WDR91: variants seen among roughly 807,000 people sequenced by gnomAD.
WDR91 encodes the protein WD repeat-containing protein 91.
Under a neutral mutation model 88.4 loss-of-function variants are expected in WDR91, and 52 were observed. The observed-to-expected ratio is 0.59, with a 90% confidence interval of 0.47 to 0.74. The LOEUF is 0.74. Among genes scored for constraint, WDR91 ranks in the 30% least tolerant of loss-of-function variants. The pLI is 0.00. For missense variants in WDR91, 824 were observed against 954.5 expected, an observed-to-expected ratio of 0.86 and a Z score of 1.80; for synonymous variants, 362 against 389.5, an observed-to-expected ratio of 0.93 and a Z score of 0.83.
intron 1 of WDR91, among the ~76,000 whole-genome samples, chr7:135,210,193 T>C (rs1369777352): frequency 6.6e-6 from 1 of 151,968 alleles, no homozygotes; most frequent in Non-Finnish European, 1.5e-5. Flanking sequence ...CTACTAAAAA[T>C]ACAAAAATTA....
chr7:135,206,030 C>A lies in WDR91; in HGVS notation c.623G>T (p.Arg208Leu). The change falls in exon 5 of 15, where the codon CGA becomes CTA. Residue 208 changes from arginine (R) to leucine (L), a missense_variant. Physicochemically the swap from Arg to Leu is moderately radical, Grantham distance 102. Transcript: ENST00000354475. Reference sequence around the variant, plus strand: ...TGGCTGTTGCTCCTCTTTCTTCAGTCGGTGGATTTCAGCTTGCAATGCAAA... The same window carrying A: ...TGGCTGTTGCTCCTCTTTCTTCAGTAGGTGGATTTCAGCTTGCAATGCAAA... ...KLFALQAEIH[R>L]LKKEEQQPEE... 1 of 1,614,170 alleles carries A rather than the reference C, an allele frequency of 6.2e-7. No homozygotes were observed.
In WDR91 at chr7:135,193,403, C is replaced by A. The variant is rs370693913; in HGVS notation, c.1491-4G>T. 6.2e-7 allele frequency: 1 copy of A among 1,613,978 alleles called. No homozygotes were observed. The highest frequency in any genetic ancestry group is 1.7e-5 in the Admixed American group (1 of 60,026). ...GCTGCACGCAAGAGACAGGATTCTG[C>A]AACACACATGGGCCTGGGTCAGACC... On this transcript the variant is annotated splice_region_variant and splice_polypyrimidine_tract_variant and intron_variant, in intron 10 of 14. Transcript: ENST00000354475.
At chr7:135,190,692 AGCTTCT>A (rs1831132119) in intron 11 of WDR91, among the ~76,000 whole-genome samples, 1 of 152,238 alleles carries the variant, frequency 6.6e-6, no homozygotes, top group Non-Finnish European at 1.5e-5. Flanking sequence ...AATGAAGGTG[AGCTTCT>A]AAAAATGAGA....
At chr7:135,192,717 A>G (rs1050045785) in intron 11 of WDR91, among the ~76,000 whole-genome samples, 3 of 152,238 alleles carry the variant, frequency 2.0e-5, no homozygotes, top group African/African-American at 7.2e-5. Context: ...GAATCATTTT[A>G]ATAAGAAGTA....
At chr7:135,198,192 G>T (rs1303114552) in intron 6 of WDR91, 41 bp from the exon 7 acceptor site, 1 of 1,590,658 alleles carries the variant, frequency 6.3e-7, no homozygotes, top group Admixed American at 1.7e-5. Context: ...CTTCCCATCT[G>T]CCCAGGCCAT....
At chr7:135,200,605 C>G (rs997654127) in intron 6 of WDR91, among the ~76,000 whole-genome samples, 9 of 152,326 alleles carry the variant, frequency 5.9e-5, no homozygotes, top group Admixed American at 4.6e-4. Context: ...GATGAAATAA[C>G]TGTTCATTGA....
chr7:135,188,641 G>A (rs909676326), intron 12 of WDR91, 96 bp from the exon 13 acceptor site: 15 of 1,113,018 alleles, frequency 1.3e-5, no homozygotes, highest in Middle Eastern at 2.0e-4. Context: ...TACTCAGGCT[G>A]ACAGCTGTTC....
Position 135,196,087 on chromosome 7 carries a change from T to C in WDR91, c.1244+57A>G. On this transcript the variant is annotated intron_variant, in intron 8 of 14. Transcript: ENST00000354475. This position sits in a 1 kb window ranked among gnomAD's most constrained non-coding sequence, Gnocchi z 4.2. ...ATCTCCTGCTGGCCACACCTCCACGTGTACTGCCTGAAAATCTGAGCTTCC... is the reference window on the plus strand; with the variant it reads ...ATCTCCTGCTGGCCACACCTCCACGCGTACTGCCTGAAAATCTGAGCTTCC... 2 of 1,448,682 alleles carry C rather than the reference T, an allele frequency of 1.4e-6. No individual in the cohort carries two copies. Among genetic ancestry groups the C allele is most frequent in the Non-Finnish European group, 1.8e-6 (2 of 1,090,358 alleles). The allele number at this position is 1,448,682 out of a possible 1,614,324, so 89.7% of individuals were successfully genotyped here.
chr7:135,209,069 G>A (rs1320635366), intron 2 of WDR91, 71 bp from the exon 3 acceptor site: 51 of 1,362,964 alleles, frequency 3.7e-5, no homozygotes, highest in Non-Finnish European at 4.9e-5. Context: ...CTTCATCATT[G>A]CACAGCAGAC....
chr7:135,193,080 G>A lies in WDR91; in HGVS notation c.1659+151C>T, dbSNP rs944779260. On this transcript the variant is annotated intron_variant, in intron 11 of 14. Coordinates refer to ENST00000354475, the MANE Select transcript of WDR91 (RefSeq NM_014149.4). ...CTGAATGACATGTCACTAACAATCT[G>A]CCCAGTTGGAGTACACTACTTTTCA... 5.3e-6 allele frequency: 6 copies of A among 1,137,056 alleles called. No individual in the cohort carries two copies. The African/African-American group carries it at 9.3e-5, about 18-fold the overall frequency. 70.4% of individuals were successfully genotyped at this position (1,137,056 alleles called of 1,614,324 possible). A position where few individuals can be genotyped will look rare whatever the true frequency, so the allele number is the denominator to read the frequency against.
intron 6 of WDR91, chr7:135,199,421 G>A (rs537717434): frequency 2.0e-5 from 3 of 152,310 alleles, no homozygotes; most frequent in Admixed American, 2.0e-4. Flanking sequence ...TGGGTCCTGG[G>A]AGGACAAAAG....
intron 1 of WDR91, 72 bp downstream of exon 1, chr7:135,211,308 G>T: frequency 6.5e-7 from 1 of 1,542,772 alleles, no homozygotes. Flanking sequence ...CCCGGAGGCA[G>T]TGCTGGGGGG....
chr7:135,205,333 T>C (rs546189978), intron 5 of WDR91, among the ~76,000 whole-genome samples: 2 of 152,382 alleles, frequency 1.3e-5, no homozygotes, highest in African/African-American at 2.4e-5. Context: ...CGTTTTTATT[T>C]ATCCTGACTA....
At position 135,196,443 on chromosome 7, in the gene WDR91, C is replaced by T. The variant is rs940044046; in HGVS notation, c.1051-106G>A. 102 of 1,134,620 alleles carry T rather than the reference C, an allele frequency of 9.0e-5. No homozygotes were observed. Among genetic ancestry groups the T allele is most frequent in the Non-Finnish European group, 1.2e-4 (99 of 834,160 alleles). 70.3% of individuals were successfully genotyped at this position (1,134,620 alleles called of 1,614,324 possible). A position where few individuals can be genotyped will look rare whatever the true frequency, so the allele number is the denominator to read the frequency against. ...AGGCTGCAGCATTTTGCGGGGTTCT[C>T]GGTAATTACAGAGTGGAGAGGAGAG... is the stretch of plus-strand genomic sequence containing the variant. On this transcript the variant is annotated intron_variant, in intron 7 of 14. Coordinates refer to ENST00000354475, the MANE Select transcript of WDR91 (RefSeq NM_014149.4). This position sits in a 1 kb window ranked among gnomAD's most constrained non-coding sequence, Gnocchi z 4.2.
chr7:135,193,601 G>A lies in WDR91; in HGVS notation c.1467C>T (p.Ile489=). 6.2e-7 allele frequency: 1 copy of A among 1,614,142 alleles called. No homozygotes were observed. Among genetic ancestry groups the A allele is most frequent in the Non-Finnish European group, 8.5e-7 (1 of 1,180,006 alleles). ...ACCTGGGCATGTTGTCGTTGATATT[G>A]ATTTCACAGAGATTCTTCTTGGCTT... ...DTEAKKNLCE[I]NINDNMPRIL... Residue 489 remains isoleucine (I), a synonymous_variant, in exon 10 of 15, where the codon ATC becomes ATT. Transcript: ENST00000354475.
intron 6 of WDR91, chr7:135,200,146 A>G (rs1409239251): frequency 6.6e-6 from 1 of 152,272 alleles, no homozygotes; most frequent in Non-Finnish European, 1.5e-5. Context: ...ATAATAATAT[A>G]TTAAAAGCTG....
chr7:135,206,721 G>GTA (rs1831800364), intron 4 of WDR91, among the ~76,000 whole-genome samples: 2 of 150,834 alleles, frequency 1.3e-5, no homozygotes, highest in African/African-American at 4.9e-5. Flanking sequence ...GTGTGTGTGT[G>GTA]TATATATAGT....
chr7:135,189,315 C>T, intron 12 of WDR91, 29 bp downstream of exon 12: 1 of 1,591,822 alleles, frequency 6.3e-7, no homozygotes, highest in Non-Finnish European at 8.6e-7. Flanking sequence ...CTAAGGAGAT[C>T]AAGGATTGCT....
chr7:135,211,503 C>T lies in WDR91; in HGVS notation c.-1G>A, dbSNP rs756010632. ...CAGTGCGCTCCACGGCCTCCGCCAT[C>T]GCAGCGCTAGCGTCTTTAGGGGTGG... On this transcript the variant is annotated 5_prime_UTR_variant, in exon 1 of 15. Transcript: ENST00000354475. 6 of 1,610,532 alleles carry T rather than the reference C, an allele frequency of 3.7e-6. No individual in the cohort carries two copies. The East Asian group carries it at 1.3e-4, about 36-fold the overall frequency.
Sources: gnomAD v4.1 joint callset for allele counts (sites outside exome capture counted in the v4.1 genomes callset) on GRCh38, gnomAD v4.1.1 for gene constraint, Gnocchi (gnomAD v3.1) non-coding constraint, MANE v1.5 for transcripts, NCBI Gene and HGNC (gene_info 2026-07-23, HGNC 2026-07-21) for gene names.